Variants in BBS9 observed in about 807,000 individuals in gnomAD.
The protein encoded by BBS9 is Bardet-Biedl syndrome 9.
A neutral mutation model predicts 117.7 loss-of-function variants in BBS9; 89 were observed. The observed-to-expected ratio is 0.76, with a 90% confidence interval of 0.64 to 0.90. The LOEUF (loss-of-function observed/expected upper bound fraction) is 0.90, where lower values mean the gene tolerates loss of function less well. Among genes scored for constraint, BBS9 ranks in the 40% least tolerant of loss-of-function variants. The pLI is 0.00. For missense variants in BBS9, 982 were observed against 1,042.2 expected (o/e 0.94, Z 0.80); for synonymous variants, 379 against 370.9 (o/e 1.02, Z -0.25).
chr7:33,206,456 A>G (rs776417419), intron 5 of BBS9, among the ~76,000 whole-genome samples: 17 of 152,088 alleles, frequency 1.1e-4, no homozygotes, highest in Non-Finnish European at 2.2e-4. Flanking sequence ...TTTTTCTCTG[A>G]GGTTAAAAAT....
At chr7:33,625,693 G>A (rs1330330607) in intron 21 of BBS9, among the ~76,000 whole-genome samples, 1 of 152,150 alleles carries the variant, frequency 6.6e-6, no homozygotes, top group African/African-American at 2.4e-5. Context: ...ATGTCTGTTA[G>A]TGATGGAGCC....
intron 21 of BBS9, among the ~76,000 whole-genome samples, chr7:33,623,089 A>T (rs1371284540): frequency 1.3e-5 from 2 of 151,914 alleles, no homozygotes; most frequent in African/African-American, 2.4e-5. Flanking sequence ...TCATCAAAAG[A>T]CACTATAAGA....
chr7:33,543,761 A>G (rs576526308), intron 21 of BBS9, among the ~76,000 whole-genome samples: 4 of 152,250 alleles, frequency 2.6e-5, no homozygotes, highest in Admixed American at 1.3e-4. Context: ...AGGACAGGGA[A>G]GTTTTCCTTG....
At chr7:33,203,293 G>C (rs1027434051) in intron 5 of BBS9, among the ~76,000 whole-genome samples, 8 of 152,190 alleles carry the variant, frequency 5.3e-5, no homozygotes, top group African/African-American at 1.9e-4. Flanking sequence ...CACCTGGGAG[G>C]CTTATTGAAA....
At chr7:33,515,619 C>G (rs555810104) in intron 20 of BBS9, among the ~76,000 whole-genome samples, 1 of 152,350 alleles carries the variant, frequency 6.6e-6, no homozygotes, top group African/African-American at 2.4e-5. Context: ...TTAATGCTCT[C>G]ACAATAGTCC....
chr7:33,558,171 T>A (rs1271186066), intron 21 of BBS9, among the ~76,000 whole-genome samples: 2 of 152,214 alleles, frequency 1.3e-5, no homozygotes, highest in African/African-American at 4.8e-5. Context: ...GCATATATTA[T>A]GGGGAACAAA....
At chr7:33,452,722 G>A (rs754554198) in intron 19 of BBS9, among the ~76,000 whole-genome samples, 14 of 152,118 alleles carry the variant, frequency 9.2e-5, no homozygotes, top group Non-Finnish European at 1.6e-4. Context: ...AATTTTGAGG[G>A]TAAAAAGGTT....
chr7:33,605,312 C>G lies in BBS9; in HGVS notation c.*86C>G. 7.1e-7 allele frequency: 1 copy of G among 1,406,082 alleles called. No individual in the cohort carries two copies. The highest frequency in any genetic ancestry group is 1.4e-5 in the African/African-American group (1 of 70,826). The allele number at this position is 1,406,082 out of a possible 1,614,324, so 87.1% of individuals were successfully genotyped here. The stretch of plus-strand genomic sequence containing the variant: ...CCTCATGCCAAGCACAGATATAGGG[C>G]TGGCGCAGGTGCTTCCTAAAGCTCA... On this transcript the variant is annotated 3_prime_UTR_variant, in exon 23 of 23. Transcript: ENST00000242067.
intron 19 of BBS9, among the ~76,000 whole-genome samples, chr7:33,412,419 T>G (rs1368108892): frequency 6.6e-6 from 1 of 152,228 alleles, no homozygotes; most frequent in Admixed American, 6.5e-5. Context: ...TGGCATTTCT[T>G]CAGTGAGTTT....
chr7:33,586,930 C>G (rs767898595), intron 21 of BBS9, among the ~76,000 whole-genome samples: 6 of 152,028 alleles, frequency 3.9e-5, no homozygotes, highest in Non-Finnish European at 8.8e-5. Flanking sequence ...TTAATAAAAG[C>G]TACCTGTTGG....
chr7:33,197,868 G>C (rs957120783), intron 5 of BBS9, among the ~76,000 whole-genome samples: 3 of 151,812 alleles, frequency 2.0e-5, no homozygotes, highest in Non-Finnish European at 4.4e-5. Context: ...TGAGAATAGA[G>C]TTCTAATATT....
intron 11 of BBS9, 145 bp from the exon 12 acceptor site, chr7:33,344,436 C>T (rs1817226312): frequency 1.2e-6 from 1 of 812,394 alleles, no homozygotes; most frequent in Non-Finnish European, 2.1e-6. Flanking sequence ...GCCAGATTGT[C>T]TCTTTTAGTC....
At chr7:33,332,672 A>C (rs552018127) in intron 9 of BBS9, among the ~76,000 whole-genome samples, 1 of 119,324 alleles carries the variant, frequency 8.4e-6, no homozygotes, top group East Asian at 2.4e-4. Flanking sequence ...GCAAGGCTCC[A>C]TGTCAAAACA....
chr7:33,555,267 C>A (rs954332819), intron 21 of BBS9, among the ~76,000 whole-genome samples: 2 of 152,146 alleles, frequency 1.3e-5, no homozygotes, highest in Admixed American at 6.5e-5. Flanking sequence ...CAGAATCTGG[C>A]TTAATTGTGT....
chr7:33,319,162 CAAAA>C (rs766634541), intron 9 of BBS9, among the ~76,000 whole-genome samples: 1 of 127,004 alleles, frequency 7.9e-6, no homozygotes. Context: ...GACTCTATGT[CAAAA>C]AAAAAAAAAA....
chr7:33,560,849 T>A (rs1388883428), intron 21 of BBS9, among the ~76,000 whole-genome samples: 1 of 152,192 alleles, frequency 6.6e-6, no homozygotes, highest in East Asian at 1.9e-4. Context: ...ATGTTTAACT[T>A]TAATCCCTCC....
At chr7:33,626,420 T>C (rs547717436) in intron 21 of BBS9, among the ~76,000 whole-genome samples, 73 of 152,334 alleles carry the variant, frequency 4.8e-4, no homozygotes, top group African/African-American at 1.5e-3. Context: ...TAAAGGTACC[T>C]GAAAATGTGG....
In BBS9 at chr7:33,605,742, G is replaced by C. The variant is rs893310129; in HGVS notation, c.*516G>C. On this transcript the variant is annotated 3_prime_UTR_variant, in exon 23 of 23. Coordinates refer to ENST00000242067, the MANE Select transcript of BBS9 (RefSeq NM_198428.3). ...ACTTTGCTACTCTCTGGTAAGACTT[G>C]AATGTGATTATTTTATAAATAAAAG... 8 of 160,192 alleles carry C rather than the reference G, an allele frequency of 5.0e-5. No homozygotes were observed. The highest frequency in any genetic ancestry group is 1.9e-4 in the African/African-American group (8 of 41,482). 9.9% of individuals were successfully genotyped at this position (160,192 alleles called of 1,614,324 possible).
chr7:33,350,497 G>A (rs747032229), intron 13 of BBS9, among the ~76,000 whole-genome samples: 43 of 152,216 alleles, frequency 2.8e-4, no homozygotes, highest in Non-Finnish European at 4.4e-4. Context: ...AGATGAGCAC[G>A]CACAATCTGT....
Sources: gnomAD v4.1 joint callset for allele counts (sites outside exome capture counted in the v4.1 genomes callset) on GRCh38, gnomAD v4.1.1 for gene constraint, MANE v1.5 for transcripts, NCBI Gene and HGNC (gene_info 2026-07-23, HGNC 2026-07-21) for gene names.